Variants in HSPA12B observed in about 807,000 individuals in gnomAD.
HSPA12B encodes heat shock protein family A (Hsp70) member 12B, also known as heat shock 70 kDa protein 12B.
HSPA12B carries 54 observed loss-of-function variants against 69.3 expected under a neutral mutation model. That is an observed-to-expected ratio of 0.78 (90% CI 0.63 to 0.98). The LOEUF is 0.98. HSPA12B is among the 50% of genes least tolerant of loss of function. HSPA12B has a pLI of 0.00. For synonymous variants in HSPA12B, 441 were observed against 436.5 expected (o/e 1.01, Z -0.13); for missense variants, 929 against 999.8 (o/e 0.93, Z 0.96).
chr20:3,739,238 A>G (rs1311851572), intron 2 of HSPA12B, among the ~76,000 whole-genome samples: 1 of 149,016 alleles, frequency 6.7e-6, no homozygotes, highest in East Asian at 2.0e-4. Flanking sequence ...GAGTGTTTGA[A>G]TGTCCATGTG....
intron 12 of HSPA12B, 70 bp from the exon 13 acceptor site, chr20:3,751,441 C>CA: frequency 3.7e-6 from 5 of 1,361,270 alleles, no homozygotes; most frequent in Non-Finnish European, 4.7e-6. Context: ...GTGGTGGCCT[C>CA]AGTGGCTCTC....
At chr20:3,734,835 G>A (rs2088084831) in intron 1 of HSPA12B, among the ~76,000 whole-genome samples, 1 of 150,328 alleles carries the variant, frequency 6.7e-6, no homozygotes, top group Non-Finnish European at 1.5e-5. Context: ...AACCTTCCGG[G>A]CTCAAGCAAT....
intron 4 of HSPA12B, among the ~76,000 whole-genome samples, chr20:3,743,350 T>C (rs1318994296): frequency 1.2e-5 from 1 of 80,524 alleles, no homozygotes; most frequent in Non-Finnish European, 2.2e-5. Flanking sequence ...ACCTGGCTAA[T>C]TTAAAAAAAA....
intron 12 of HSPA12B, 147 bp from the exon 13 acceptor site, chr20:3,751,364 T>G: frequency 7.4e-7 from 1 of 1,345,758 alleles, no homozygotes; most frequent in Non-Finnish European, 9.5e-7. Context: ...AAGAAAGTGC[T>G]CAAATGGCTA....
chr20:3,752,247 G>A lies in HSPA12B; in HGVS notation c.*81G>A. On this transcript the variant is annotated 3_prime_UTR_variant, in exon 13 of 13. Coordinates refer to ENST00000254963, the MANE Select transcript of HSPA12B (RefSeq NM_052970.5). ...AGGGGCCTGCGGAGCGGGTTGGGGC[G>A]GGGGAAACGATAGTTCTGCAGTCTG... is the stretch of plus-strand genomic sequence containing the variant. 1.5e-6 allele frequency: 2 copies of A among 1,307,738 alleles called. No individual in the cohort carries two copies. The highest frequency in any genetic ancestry group is 2.8e-5 in the East Asian group (1 of 35,132). The allele number at this position is 1,307,738 out of a possible 1,614,324, so 81.0% of individuals were successfully genotyped here. A position where few individuals can be genotyped will look rare whatever the true frequency, so the allele number is the denominator to read the frequency against.
chr20:3,736,542 A>G (rs921930905), intron 1 of HSPA12B, among the ~76,000 whole-genome samples: 2 of 152,228 alleles, frequency 1.3e-5, no homozygotes, highest in African/African-American at 2.4e-5. Flanking sequence ...TTCTATAGCA[A>G]AACTTTCAGA....
At chr20:3,742,207 C>T in intron 3 of HSPA12B, 77 bp from the exon 4 acceptor site, 3 of 1,568,528 alleles carry the variant, frequency 1.9e-6, no homozygotes, top group Non-Finnish European at 2.6e-6. Context: ...CTTCCCCATG[C>T]AGAGGAAGCA....
Position 3,752,023 on chromosome 20 carries a change from G to T in HSPA12B, c.1918G>T (p.Gly640Cys). Reference protein sequence around the residue: ...LSLELEPADCGQDTAGAPPGR... With the variant: ...LSLELEPADCCQDTAGAPPGR... ...CCTCGAGCTTGAGCCCGCCGACTGC[G>T]GCCAGGACACCGCCGGCGCGCCTCC... Residue 640 changes from glycine (G) to cysteine (C), a missense_variant, in exon 13 of 13, where the codon GGC becomes TGC. Physicochemically the swap from Gly to Cys is radical, Grantham distance 159. Coordinates refer to ENST00000254963, the MANE Select transcript of HSPA12B (RefSeq NM_052970.5). The T allele has an allele frequency of 1.3e-6, 2 of 1,561,560 alleles. No homozygotes were observed. The highest frequency in any genetic ancestry group is 1.7e-6 in the Non-Finnish European group (2 of 1,158,874).
At position 3,752,290 on chromosome 20, in the gene HSPA12B, C is replaced by A; in HGVS notation, c.*124C>A. On this transcript the variant is annotated 3_prime_UTR_variant, in exon 13 of 13. Transcript: ENST00000254963. ...GCAGTCTGCGCCTTTCCACGCCCTC[C>A]AGCCCCGGGGGAGATAAGGTCATGG... is the stretch of plus-strand genomic sequence containing the variant. 2 of 955,666 alleles carry A rather than the reference C, an allele frequency of 2.1e-6. No homozygotes were observed. The highest frequency in any genetic ancestry group is 2.1e-5 in the South Asian group (1 of 47,846). 59.2% of individuals were successfully genotyped at this position (955,666 alleles called of 1,614,324 possible).
At position 3,749,253 on chromosome 20, in the gene HSPA12B, C is replaced by T; in HGVS notation, c.872C>T (p.Ser291Phe). 3.1e-6 allele frequency: 5 copies of T among 1,613,450 alleles called. No individual in the cohort carries two copies. The highest frequency in any genetic ancestry group is 4.2e-6 in the Non-Finnish European group (5 of 1,179,800). The stretch of plus-strand genomic sequence containing the variant: ...CCAGCTCGGGAGCAGCTGCGAAGGT[C>T]CCGCCACAGCCGCACGTTCCTGGTG... ...FRQAREQLRR[S>F]RHSRTFLVES... is the part of the protein sequence containing the mutation. The change falls in exon 9 of 13, where the codon TCC becomes TTC. Residue 291 changes from serine (S) to phenylalanine (F), a missense_variant. Physicochemically the swap from Ser to Phe is radical, Grantham distance 155 (BLOSUM62 -2). Coordinates refer to ENST00000254963, the MANE Select transcript of HSPA12B (RefSeq NM_052970.5). This position sits in a 1 kb window ranked among gnomAD's most constrained non-coding sequence, Gnocchi z 5.5.
Position 3,737,768 on chromosome 20 carries a change from C to T in HSPA12B, c.-17-890C>T, listed in dbSNP as rs138009726. On this transcript the variant is annotated intron_variant, in intron 1 of 12. Coordinates refer to ENST00000254963, the MANE Select transcript of HSPA12B (RefSeq NM_052970.5). The surrounding 1 kb of genome is among the most constrained non-coding windows in gnomAD (Gnocchi z 4.1). ...CTGTAATCCCAGCACTTTGAGAGGC[C>T]GAGGTGGGCGGATCACCTGAGGTCA... Among the ~76,000 whole-genome samples, 956 of 152,218 alleles carry T rather than the reference C, an allele frequency of 6.3e-3. 6 individuals carry two copies. Among genetic ancestry groups the T allele is most frequent in the African/African-American group, 0.022 (916 of 41,524 alleles).
Position 3,737,057 on chromosome 20 carries a change from AAAATAAATAAATAAATAAATAAATAAAT to A in HSPA12B, c.-17-1579_-17-1552del, listed in dbSNP as rs11470713. ...GGGGACAGAGTGAGACTCTGCCTCA[AAAATAAATAAATAAATAAATAAATAAAT>A]AAATAAATAAATAAATAAATATGAA... On this transcript the variant is annotated intron_variant, in intron 1 of 12. Coordinates refer to ENST00000254963, the MANE Select transcript of HSPA12B (RefSeq NM_052970.5). The surrounding 1 kb of genome is among the most constrained non-coding windows in gnomAD (Gnocchi z 4.1). Among the ~76,000 whole-genome samples, 82 of 146,342 alleles carry A rather than the reference AAAATAAATAAATAAATAAATAAATAAAT, an allele frequency of 5.6e-4. No homozygotes were observed. Among genetic ancestry groups the A allele is most frequent in the African/African-American group, 1.7e-3 (66 of 39,174 alleles).
At chr20:3,739,996 GC>G (rs1468063864) in intron 2 of HSPA12B, among the ~76,000 whole-genome samples, 1 of 152,172 alleles carries the variant, frequency 6.6e-6, no homozygotes, top group Admixed American at 6.5e-5. Context: ...AGGCCCTCCT[GC>G]CCCATAAGCC....
At chr20:3,746,234 C>T (rs1191882002) in intron 7 of HSPA12B, among the ~76,000 whole-genome samples, 1 of 151,712 alleles carries the variant, frequency 6.6e-6, no homozygotes, top group African/African-American at 2.4e-5. Flanking sequence ...ACAAAAGACA[C>T]AGCCCAGGCC....
Position 3,737,117 on chromosome 20 carries a change from G to A in HSPA12B, c.-17-1541G>A, listed in dbSNP as rs1165097320. 6.6e-6 allele frequency among the ~76,000 whole-genome samples: 1 copy of A among 151,708 alleles called. No homozygotes were observed. The highest frequency in any genetic ancestry group is 1.5e-5 in the Non-Finnish European group (1 of 67,978). ...ATAAATAAATAAATATGAAATACAT[G>A]TTCTGATTCAGCAGGTCTGGGCTGG... On this transcript the variant is annotated intron_variant, in intron 1 of 12. Transcript: ENST00000254963. This position sits in a 1 kb window ranked among gnomAD's most constrained non-coding sequence, Gnocchi z 4.1.
chr20:3,737,030 T>C lies in HSPA12B; in HGVS notation c.-17-1628T>C, dbSNP rs1365063759. On this transcript the variant is annotated intron_variant, in intron 1 of 12. Transcript: ENST00000254963. This position sits in a 1 kb window ranked among gnomAD's most constrained non-coding sequence, Gnocchi z 4.1. Reference sequence around the variant, plus strand: ...GAGATCACGCCACTGCACTCCAGCCTGGGGGACAGAGTGAGACTCTGCCTC... The same window carrying C: ...GAGATCACGCCACTGCACTCCAGCCCGGGGGACAGAGTGAGACTCTGCCTC... Among the ~76,000 whole-genome samples the C allele has an allele frequency of 6.6e-6, 1 of 151,888 alleles. No homozygotes were observed. Among genetic ancestry groups the C allele is most frequent in the Non-Finnish European group, 1.5e-5 (1 of 67,988 alleles).
At position 3,749,922 on chromosome 20, in the gene HSPA12B, C is replaced by A. The variant is rs747821198; in HGVS notation, c.1043-47C>A. 7 of 1,547,508 alleles carry A rather than the reference C, an allele frequency of 4.5e-6. No homozygotes were observed. The highest frequency in any genetic ancestry group is 6.1e-6 in the Non-Finnish European group (7 of 1,145,084). Reference sequence around the variant, plus strand: ...CTCCGGCCCCGCCACTGCCCCCTGGCGGCCCGGCGAGCGCTGACGCCCTCT... The same window carrying A: ...CTCCGGCCCCGCCACTGCCCCCTGGAGGCCCGGCGAGCGCTGACGCCCTCT... On this transcript the variant is annotated intron_variant, in intron 10 of 12. Transcript: ENST00000254963. This position sits in a 1 kb window ranked among gnomAD's most constrained non-coding sequence, Gnocchi z 5.5.
intron 1 of HSPA12B, among the ~76,000 whole-genome samples, chr20:3,733,193 G>A (rs977995026): frequency 6.6e-6 from 1 of 152,140 alleles, no homozygotes. Context: ...TGCCTCAGGG[G>A]TCCCAGGCCC....
At chr20:3,738,435 G>C (rs2088141549) in intron 1 of HSPA12B, among the ~76,000 whole-genome samples, 1 of 152,170 alleles carries the variant, frequency 6.6e-6, no homozygotes, top group Non-Finnish European at 1.5e-5. Context: ...AGGAATTACT[G>C]TTAATTTCAT....
Sources: allele counts gnomAD v4.1 joint callset (sites outside exome capture counted in the v4.1 genomes callset), GRCh38; gene constraint gnomAD v4.1.1; non-coding constraint Gnocchi (gnomAD v3.1); transcripts MANE v1.5; gene names NCBI Gene and HGNC (gene_info 2026-07-23, HGNC 2026-07-21).